Variants in MIA2 observed in about 807,000 individuals in gnomAD.
MIA2 encodes MIA SH3 domain ER export factor 2.
In MIA2, 127 loss-of-function variants were observed where a neutral mutation model predicts 167.8. That is an observed-to-expected ratio of 0.76 (90% CI 0.66 to 0.88). MIA2 has a LOEUF of 0.88. Among genes scored for constraint, MIA2 ranks in the 40% least tolerant of loss-of-function variants. The pLI, the probability that MIA2 is intolerant of heterozygous loss-of-function variation, is 0.00. For synonymous variants in MIA2, 552 were observed against 541.9 expected, an observed-to-expected ratio of 1.02 and a Z score of -0.26; for missense variants, 1,690 against 1,624.7, an observed-to-expected ratio of 1.04 and a Z score of -0.69.
In MIA2 at chr14:39,313,381, A is replaced by G. The variant is rs202207696; in HGVS notation, c.3059A>G (p.Glu1020Gly). Residue 1020 changes from glutamate to glycine, a missense_variant, in exon 19 of 29, where the codon GAG becomes GGG. By Grantham distance (98) the Glu-to-Gly change is moderately conservative. Coordinates refer to ENST00000640607, the MANE Select transcript of MIA2 (RefSeq NM_001329214.4). Reference protein sequence around the residue: ...VEENYRLEKEEKLSKVDEKIS... With the variant: ...VEENYRLEKEGKLSKVDEKIS... ...GAAAATTATCGGTTAGAGAAAGAAG[A>G]GAAACTTTCTAAAGTAGATGAAAAG... 649 of 1,603,712 alleles carry G rather than the reference A, an allele frequency of 4.0e-4. 4 individuals carry two copies. In the South Asian group the frequency reaches 6.7e-3, roughly 17 times the overall value.
At chr14:39,269,519 C>CT (rs2056739527) in intron 6 of MIA2, among the ~76,000 whole-genome samples, 1 of 150,312 alleles carries the variant, frequency 6.7e-6, no homozygotes, top group Non-Finnish European at 1.5e-5. Context: ...TTTCTTTTTT[C>CT]TTTCTTTTTT....
chr14:39,269,076 T>TTTTTTTTTG (rs2056618728), intron 6 of MIA2: 1 of 301,578 alleles, frequency 3.3e-6, no homozygotes, highest in South Asian at 1.4e-4. Context: ...CCTGCACAGT[T>TTTTTTTTTG]TTTTTTTTTT....
intron 28 of MIA2, among the ~76,000 whole-genome samples, chr14:39,349,235 T>C (rs536687205): frequency 6.6e-6 from 1 of 152,316 alleles, no homozygotes; most frequent in African/African-American, 2.4e-5. Context: ...AATGGACTTT[T>C]TGCAGGTCTT....
chr14:39,252,677 A>C, intron 4 of MIA2, 71 bp from the exon 5 acceptor site: 1 of 1,187,562 alleles, frequency 8.4e-7, no homozygotes, highest in Non-Finnish European at 1.2e-6. Context: ...TGACCTGCCT[A>C]GAAAACAAAA....
rs36031495 is a variant in MIA2 at position 39,326,844 on chromosome 14, G to GT, written c.3497-11dup. 3.8e-5 allele frequency: 58 copies of GT among 1,529,474 alleles called. No individual in the cohort carries two copies. Among genetic ancestry groups the GT allele is most frequent in the Admixed American group, 2.5e-4 (11 of 43,968 alleles). 94.7% of individuals were successfully genotyped at this position (1,529,474 alleles called of 1,614,324 possible). ...TTTTTAAGATGAAACAGATTTGTAT[G>GT]TTTTTTTTTCTTTAATTAGGCTCAC... On this transcript the variant is annotated intron_variant, in intron 24 of 28. Transcript: ENST00000640607.
chr14:39,272,268 C>T (rs1254156044), intron 6 of MIA2, among the ~76,000 whole-genome samples: 1 of 152,150 alleles, frequency 6.6e-6, no homozygotes, highest in African/African-American at 2.4e-5. Flanking sequence ...AGGAGAATCG[C>T]TTGAACCCGG....
intron 13 of MIA2, among the ~76,000 whole-genome samples, chr14:39,295,698 T>C (rs1175736759): frequency 6.6e-6 from 1 of 152,160 alleles, no homozygotes; most frequent in African/African-American, 2.4e-5. Flanking sequence ...TAGCTGGGAC[T>C]ACAGGCGCGC....
At chr14:39,354,914 A>G (rs930450489), downstream of MIA2, among the ~76,000 whole-genome samples, 309 of 151,900 alleles carry the variant, frequency 2.0e-3, 1 homozygote, top group African/African-American at 6.9e-3. Flanking sequence ...TGTTCCATTG[A>G]TCTATATCTC....
chr14:39,274,358 C>A (rs1347283807), intron 6 of MIA2, among the ~76,000 whole-genome samples: 1 of 151,766 alleles, frequency 6.6e-6, no homozygotes, highest in Non-Finnish European at 1.5e-5. Context: ...CTTGAGAAAG[C>A]CAGAATAATT....
intron 17 of MIA2, among the ~76,000 whole-genome samples, chr14:39,305,523 G>A (rs913977492): frequency 5.3e-5 from 8 of 152,094 alleles, no homozygotes; most frequent in African/African-American, 1.7e-4. Flanking sequence ...GATCATGAAA[G>A]ATAAATTTCT....
chr14:39,274,559 G>C (rs1203748030), intron 6 of MIA2, among the ~76,000 whole-genome samples: 2 of 150,484 alleles, frequency 1.3e-5, no homozygotes, highest in Non-Finnish European at 3.0e-5. Context: ...CCAAGTAGCT[G>C]GGATTACAGG....
chr14:39,283,961 C>G (rs2059291966), intron 9 of MIA2, among the ~76,000 whole-genome samples: 1 of 151,914 alleles, frequency 6.6e-6, no homozygotes, highest in South Asian at 2.1e-4. Context: ...ATTGTGTTTA[C>G]TTGTGTATAT....
chr14:39,332,814 G>A (rs536699769), intron 25 of MIA2, among the ~76,000 whole-genome samples: 2 of 151,994 alleles, frequency 1.3e-5, no homozygotes, highest in Non-Finnish European at 2.9e-5. Flanking sequence ...GACATCACCC[G>A]CCTTCTGCTT....
intron 9 of MIA2, among the ~76,000 whole-genome samples, chr14:39,285,042 C>T (rs1344485957): frequency 6.6e-6 from 1 of 152,194 alleles, no homozygotes; most frequent in East Asian, 1.9e-4. Context: ...GGACACAGCA[C>T]ATGTTTCAGA....
chr14:39,386,880 AC>A, intron 23 of MIA2: 1 of 824,986 alleles, frequency 1.2e-6, no homozygotes, highest in African/African-American at 1.7e-5. Context: ...GTTCTCTCTC[AC>A]CAGGCGCACG....
intron 12 of MIA2, among the ~76,000 whole-genome samples, chr14:39,294,341 G>A (rs2061124926): frequency 6.6e-6 from 1 of 152,060 alleles, no homozygotes; most frequent in Non-Finnish European, 1.5e-5. Context: ...GGGATTACAG[G>A]CATGTGCCAC....
chr14:39,323,341 C>T (rs1049482264), intron 24 of MIA2, among the ~76,000 whole-genome samples: 4 of 151,946 alleles, frequency 2.6e-5, no homozygotes, highest in African/African-American at 9.7e-5. Flanking sequence ...GCCCTATAGA[C>T]TGATACTTAG....
At chr14:39,333,589 CTGCAACTCACTG>C (rs1319361160) in intron 25 of MIA2, among the ~76,000 whole-genome samples, 1 of 152,122 alleles carries the variant, frequency 6.6e-6, no homozygotes, top group East Asian at 1.9e-4. Flanking sequence ...CTGCTGTGTG[CTGCAACTCACTG>C]TGGTCTTCTA....
At position 39,319,220 on chromosome 14, in the gene MIA2, C is replaced by T. The variant is rs1007022937; in HGVS notation, c.3296C>T (p.Thr1099Ile). ...NAHNRQKLTE[T>I]ELKFELLEKD... The stretch of plus-strand genomic sequence containing the variant: ...TTCTTTATTTGCAGATTAACTGAAA[C>T]AGAGCTTAAATTTGAACTTTTAGAA... Residue 1099 changes from threonine (T) to isoleucine (I), a missense_variant, in exon 23 of 29, where the codon ACA (threonine) becomes ATA (isoleucine). Thr to Ile is a moderately conservative substitution (Grantham distance 89). Transcript: ENST00000640607. The T allele has an allele frequency of 6.4e-6, 10 of 1,564,086 alleles. No individual in the cohort carries two copies. The highest frequency in any genetic ancestry group is 1.2e-5 in the South Asian group (1 of 82,392).
Sources: allele counts gnomAD v4.1 joint callset (sites outside exome capture counted in the v4.1 genomes callset), GRCh38; gene constraint gnomAD v4.1.1; transcripts MANE v1.5; gene names NCBI Gene and HGNC (gene_info 2026-07-23, HGNC 2026-07-21).